The following PCDHA13 variants were observed in gnomAD, a reference collection of about 807,000 sequenced individuals.
PCDHA13 encodes protocadherin alpha-13.
A neutral mutation model predicts 64.8 loss-of-function variants in PCDHA13; 54 were observed. The ratio of observed to expected loss-of-function variants is 0.83; its 90% CI spans 0.67 to 1.04. The LOEUF (loss-of-function observed/expected upper bound fraction) is 1.04. Ranked by LOEUF, PCDHA13 falls within the 50% of genes least tolerant of loss-of-function variation. The probability of loss-of-function intolerance (pLI) is 0.00; values close to 1 mark genes in which losing one functional copy is unlikely to be tolerated. For synonymous variants in PCDHA13, 587 were observed against 564.4 expected, an observed-to-expected ratio of 1.04 and a Z score of -0.57; for missense variants, 1,248 against 1,254.3, an observed-to-expected ratio of 0.99 and a Z score of 0.08.
rs114742019 is a variant in PCDHA13, at chr5:140,911,730, G to A, written c.2394+27068G>A. Among the ~76,000 whole-genome samples the A allele has an allele frequency of 8.1e-3, 1,236 of 152,190 alleles. 6 individuals carry two copies. The highest frequency in any genetic ancestry group is 0.019 in the African/African-American group (801 of 41,524). ...TTTTGTGTAACTCTGTAAACAGTTC[G>A]TGCCAAGGACTATCAGTGTTCTCCA... is the stretch of plus-strand genomic sequence containing the variant. On this transcript the variant is annotated intron_variant, in intron 1 of 3. Coordinates refer to ENST00000289272, the MANE Select transcript of PCDHA13 (RefSeq NM_018904.3).
At chr5:140,928,855 C>T (rs781997277) in intron 1 of PCDHA13, 1 of 1,614,184 alleles carries the variant, frequency 6.2e-7, no homozygotes, top group Non-Finnish European at 8.5e-7. Context: ...TCTGGGTGTG[C>T]TGTTGAGCAA....
intron 1 of PCDHA13, among the ~76,000 whole-genome samples, chr5:140,912,634 G>A (rs1435924500): frequency 6.6e-6 from 1 of 152,016 alleles, no homozygotes; most frequent in African/African-American, 2.4e-5. Context: ...GAGACTTTCA[G>A]TACTATGTTG....
chr5:140,986,358 A>C (rs1440671712), intron 3 of PCDHA13, among the ~76,000 whole-genome samples: 1 of 152,116 alleles, frequency 6.6e-6, no homozygotes, highest in African/African-American at 2.4e-5. Context: ...CTTCAGATGG[A>C]GGAATGCGTT....
chr5:140,913,756 A>G (rs1184722554), intron 1 of PCDHA13, among the ~76,000 whole-genome samples: 1 of 152,072 alleles, frequency 6.6e-6, no homozygotes, highest in African/African-American at 2.4e-5. Context: ...GTTGTATCTC[A>G]TAGGTTTTGG....
intron 1 of PCDHA13, among the ~76,000 whole-genome samples, chr5:140,934,142 T>C (rs1359446492): frequency 1.3e-5 from 2 of 152,170 alleles, no homozygotes; most frequent in African/African-American, 4.8e-5. Context: ...TTTCCTTCCT[T>C]ATATGTTTAT....
chr5:140,992,470 G>T (rs1027762445), intron 3 of PCDHA13, among the ~76,000 whole-genome samples: 2 of 152,192 alleles, frequency 1.3e-5, no homozygotes, highest in African/African-American at 4.8e-5. Context: ...GTACTCTTTA[G>T]ATCACCCAGA....
Position 140,882,157 on chromosome 5 carries a change from C to G in PCDHA13, c.-112C>G. 5 of 1,504,750 alleles carry G rather than the reference C, an allele frequency of 3.3e-6. No individual in the cohort carries two copies. The highest frequency in any genetic ancestry group is 8.9e-7 in the Non-Finnish European group (1 of 1,125,742). The allele number at this position is 1,504,750 out of a possible 1,614,324, so 93.2% of individuals were successfully genotyped here. A position where few individuals can be genotyped will look rare whatever the true frequency, so the allele number is the denominator to read the frequency against. ...AGAAAATATAGCAGAAAGCGGAATA[C>G]CTCTTGCGAATCCTTCCGCACTAGG... On this transcript the variant is annotated 5_prime_UTR_variant, in exon 1 of 4. Coordinates refer to ENST00000289272, the MANE Select transcript of PCDHA13 (RefSeq NM_018904.3).
intron 1 of PCDHA13, chr5:140,930,569 A>G (rs1448447791): frequency 6.6e-6 from 1 of 152,542 alleles, no homozygotes; most frequent in Non-Finnish European, 1.5e-5. Flanking sequence ...AAGCAATTCT[A>G]CGGTATTACT....
intron 3 of PCDHA13, among the ~76,000 whole-genome samples, chr5:141,007,395 C>CAAAAAAAAAAAAAAA (rs35800918): frequency 2.1e-5 from 2 of 94,866 alleles, no homozygotes; most frequent in Non-Finnish European, 2.1e-5. Context: ...TACTAAAATA[C>CAAAAAAAAAAAAAAA]AAAAAAAAAA....
At chr5:140,996,884 A>T (rs1411027110) in intron 3 of PCDHA13, among the ~76,000 whole-genome samples, 1 of 152,186 alleles carries the variant, frequency 6.6e-6, no homozygotes, top group African/African-American at 2.4e-5. Flanking sequence ...TGTATTTTTA[A>T]ATAAAATAGA....
At chr5:140,966,744 T>A in intron 1 of PCDHA13, 1 of 1,424,124 alleles carries the variant, frequency 7.0e-7, no homozygotes. Flanking sequence ...CCTGCCCGGC[T>A]GCCTCCGCCG....
At chr5:140,967,351 G>C in intron 1 of PCDHA13, 1 of 1,608,106 alleles carries the variant, frequency 6.2e-7, no homozygotes, top group South Asian at 1.1e-5. Context: ...ACTTCGAGCT[G>C]GACCTTAAGC....
At chr5:140,989,582 G>A (rs1554250917) in intron 3 of PCDHA13, among the ~76,000 whole-genome samples, 1 of 152,200 alleles carries the variant, frequency 6.6e-6, no homozygotes, top group Non-Finnish European at 1.5e-5. Flanking sequence ...CCTGTCCTCA[G>A]CCTCACTGAC....
At chr5:140,913,503 T>G (rs1334607884) in intron 1 of PCDHA13, among the ~76,000 whole-genome samples, 6 of 152,182 alleles carry the variant, frequency 3.9e-5, no homozygotes, top group African/African-American at 1.4e-4. Context: ...GTTTAAAACT[T>G]TGTCAATTTT....
intron 1 of PCDHA13, among the ~76,000 whole-genome samples, chr5:140,889,132 G>C (rs1338926841): frequency 6.6e-6 from 1 of 151,438 alleles, no homozygotes; most frequent in Non-Finnish European, 1.5e-5. Context: ...ATATGTCCTA[G>C]TTTTTCTTCC....
intron 2 of PCDHA13, among the ~76,000 whole-genome samples, chr5:140,981,165 T>C (rs1411910974): frequency 6.6e-6 from 1 of 152,250 alleles, no homozygotes; most frequent in Non-Finnish European, 1.5e-5. Flanking sequence ...ATATGTTGCC[T>C]TCCCTCTAAT....
intron 1 of PCDHA13, among the ~76,000 whole-genome samples, chr5:140,962,388 C>T (rs782676502): frequency 5.9e-5 from 9 of 152,254 alleles, no homozygotes; most frequent in South Asian, 4.1e-4. Flanking sequence ...GTTAATATTA[C>T]GCAATCTGCC....
rs903824034 is a variant in PCDHA13, at chr5:140,883,628, G to A, written c.1360G>A (p.Ala454Thr). The A allele has an allele frequency of 6.2e-7, 1 of 1,613,884 alleles. No homozygotes were observed. Among genetic ancestry groups the A allele is most frequent in the Admixed American group, 1.7e-5 (1 of 60,000 alleles). Residue 454 changes from alanine (A) to threonine (T), a missense_variant, in exon 1 of 4, where the codon GCG (alanine) becomes ACG (threonine). By Grantham distance (58) the Ala-to-Thr change is moderately conservative. Transcript: ENST00000289272. ...GGCCGACGTGAACGACAACGCGCCG[G>A]CGTTCGCGCAGCCCGAGTACACGGT... ...GVADVNDNAP[A>T]FAQPEYTVFV... is the part of the protein sequence containing the mutation.
At chr5:140,912,170 T>C (rs961907962) in intron 1 of PCDHA13, among the ~76,000 whole-genome samples, 6 of 152,202 alleles carry the variant, frequency 3.9e-5, no homozygotes, top group African/African-American at 9.7e-5. Flanking sequence ...CTGGCTGTGC[T>C]GGCAGCTGAT....
Sources: allele counts gnomAD v4.1 joint callset (sites outside exome capture counted in the v4.1 genomes callset), GRCh38; gene constraint gnomAD v4.1.1; transcripts MANE v1.5; gene names NCBI Gene and HGNC (gene_info 2026-07-23, HGNC 2026-07-21).